The following PPP2R2B variants were observed in gnomAD, a reference collection of about 807,000 sequenced individuals.
The protein encoded by PPP2R2B is protein phosphatase 2 regulatory subunit Bbeta.
Under a neutral mutation model 46.0 loss-of-function variants are expected in PPP2R2B, and 5 were observed. That is an observed-to-expected ratio of 0.11 (90% CI 0.06 to 0.23). The LOEUF (loss-of-function observed/expected upper bound fraction) is 0.23. PPP2R2B is among the 10% of genes least tolerant of loss of function. The pLI is 1.00. For synonymous variants in PPP2R2B, 215 were observed against 206.7 expected (o/e 1.04, Z -0.34); for missense variants, 367 against 575.0 (o/e 0.64, Z 3.70).
chr5:146,590,031 C>T lies in PPP2R2B; in HGVS notation c.1248G>A (p.Leu416=). 1 of 1,614,156 alleles carries T rather than the reference C, an allele frequency of 6.2e-7. No individual in the cohort carries two copies. The highest frequency in any genetic ancestry group is 8.5e-7 in the Non-Finnish European group (1 of 1,180,028). ...VDSLDFSKKI[L]HTAWHPSENI... is the part of the protein sequence containing the mutation. ...TTTCTGAAGGATGCCAAGCTGTATG[C>T]AAGATCTTTTTGCTAAAGTCCAGAC... Residue 416 remains leucine, a synonymous_variant, in exon 10 of 10, where the codon TTG becomes TTA. Coordinates refer to ENST00000394411, the MANE Select transcript of PPP2R2B (RefSeq NM_181675.4).
chr5:146,707,336 C>T (rs930887424), intron 2 of PPP2R2B: 20 of 933,616 alleles, frequency 2.1e-5, no homozygotes, highest in Non-Finnish European at 3.5e-5. Flanking sequence ...TTGATCTGCT[C>T]CTTCTCCTGG....
chr5:146,658,001 C>T (rs529930934), intron 5 of PPP2R2B, among the ~76,000 whole-genome samples: 1 of 152,322 alleles, frequency 6.6e-6, no homozygotes, highest in South Asian at 2.1e-4. Flanking sequence ...CTTCAACAAA[C>T]ATTTATTGAG....
intron 7 of PPP2R2B, among the ~76,000 whole-genome samples, chr5:146,627,068 G>A (rs1012995856): frequency 9.2e-5 from 14 of 152,094 alleles, no homozygotes; most frequent in African/African-American, 3.4e-4. Flanking sequence ...CTTCAGACAT[G>A]GGGGTGAGGT....
intron 2 of PPP2R2B, among the ~76,000 whole-genome samples, chr5:146,803,129 C>T (rs1273420208): frequency 6.6e-6 from 1 of 152,176 alleles, no homozygotes; most frequent in African/African-American, 2.4e-5. Context: ...AGAGCGCATG[C>T]CTAATGCCAT....
At chr5:146,665,337 T>C (rs796765274) in intron 5 of PPP2R2B, among the ~76,000 whole-genome samples, 4 of 152,352 alleles carry the variant, frequency 2.6e-5, no homozygotes, top group African/African-American at 9.6e-5. Flanking sequence ...AGCTTCTACA[T>C]CAGCACTTGC....
intron 2 of PPP2R2B, among the ~76,000 whole-genome samples, chr5:146,718,301 C>T (rs1780608556): frequency 6.6e-6 from 1 of 151,744 alleles, no homozygotes; most frequent in Non-Finnish European, 1.5e-5. Flanking sequence ...GGTGGGAAGA[C>T]AGATTGAGCC....
chr5:146,736,358 A>T (rs1752538671), intron 2 of PPP2R2B, among the ~76,000 whole-genome samples: 1 of 152,180 alleles, frequency 6.6e-6, no homozygotes, highest in Non-Finnish European at 1.5e-5. Context: ...ACTGAGCGTT[A>T]TGCCCTGCCA....
intron 1 of PPP2R2B, among the ~76,000 whole-genome samples, chr5:147,019,880 C>T (rs532195252): frequency 1.3e-5 from 2 of 152,292 alleles, no homozygotes; most frequent in South Asian, 4.1e-4. Context: ...TATGGGAATA[C>T]ACCGCTCAGA....
intron 1 of PPP2R2B, among the ~76,000 whole-genome samples, chr5:146,964,582 G>A (rs1021851923): frequency 6.6e-6 from 1 of 152,022 alleles, no homozygotes; most frequent in East Asian, 1.9e-4. Context: ...CTGGAGTGCA[G>A]TGGCATGATC....
intron 6 of PPP2R2B, among the ~76,000 whole-genome samples, chr5:146,644,234 CAAAA>C (rs58634387): frequency 1.2e-3 from 72 of 60,662 alleles, no homozygotes; most frequent in Admixed American, 1.1e-3. Flanking sequence ...AGGAAAGTTT[CAAAA>C]AAAAAAAAAA....
chr5:146,768,383 G>A (rs1451812322), intron 2 of PPP2R2B, among the ~76,000 whole-genome samples: 3 of 152,108 alleles, frequency 2.0e-5, no homozygotes, highest in African/African-American at 7.2e-5. Context: ...TTGTAATTTT[G>A]TTGTAGCCAA....
chr5:146,700,676 T>G (rs1456564691), intron 3 of PPP2R2B, among the ~76,000 whole-genome samples: 2 of 152,208 alleles, frequency 1.3e-5, no homozygotes, highest in Non-Finnish European at 2.9e-5. Flanking sequence ...TTTTTCCTCC[T>G]GCATATTCTG....
In PPP2R2B at chr5:146,822,338, T is replaced by G. The variant is rs554521727; in HGVS notation, c.70+55664A>C. On this transcript the variant is annotated intron_variant, in intron 2 of 9. Coordinates refer to ENST00000394411, the MANE Select transcript of PPP2R2B (RefSeq NM_181675.4). ...GCTCTCCAAATAAAATCACCCATCT[T>G]TTCATGGCCTCCAAGCCTCCATATG... 6.9e-4 allele frequency among the ~76,000 whole-genome samples: 105 copies of G among 152,232 alleles called. 2 individuals are homozygous for G. The South Asian group carries it at 0.019, about 28-fold the overall frequency.
At chr5:146,675,331 A>C (rs938404734) in intron 5 of PPP2R2B, among the ~76,000 whole-genome samples, 1 of 152,158 alleles carries the variant, frequency 6.6e-6, no homozygotes, top group Non-Finnish European at 1.5e-5. Flanking sequence ...TAAGCTTTTG[A>C]ATCTTTATTG....
intron 1 of PPP2R2B, among the ~76,000 whole-genome samples, chr5:146,902,360 T>A (rs573977147): frequency 6.6e-6 from 1 of 152,258 alleles, no homozygotes; most frequent in South Asian, 2.1e-4. Context: ...AAAATGTCTC[T>A]CAAACTCTGC....
intron 2 of PPP2R2B, among the ~76,000 whole-genome samples, chr5:147,064,822 A>G (rs1244986180): frequency 6.6e-6 from 1 of 152,240 alleles, no homozygotes. Context: ...TAAATCATTT[A>G]AACTATAAGG....
intron 1 of PPP2R2B, among the ~76,000 whole-genome samples, chr5:147,018,128 G>T (rs1246154989): frequency 1.3e-5 from 2 of 151,702 alleles, no homozygotes; most frequent in African/African-American, 4.8e-5. Context: ...ATGCTAAGAG[G>T]CTGGAAGCTA....
intron 5 of PPP2R2B, among the ~76,000 whole-genome samples, chr5:146,661,616 G>T (rs1776673388): frequency 6.6e-6 from 1 of 152,100 alleles, no homozygotes; most frequent in Non-Finnish European, 1.5e-5. Context: ...CATCAAAAAT[G>T]GTTTGCATGG....
chr5:146,857,776 C>T lies in PPP2R2B; in HGVS notation c.70+20226G>A, dbSNP rs1259641094. Among the ~76,000 whole-genome samples, 3 of 152,044 alleles carry T rather than the reference C, an allele frequency of 2.0e-5. No individual in the cohort carries two copies. In the East Asian group the frequency reaches 5.8e-4, roughly 29 times the overall value. On this transcript the variant is annotated intron_variant, in intron 2 of 9. Transcript: ENST00000394411. ...GATCTCGGCTCATTGCAACCTCCGC[C>T]TCCCAGGTTCAAGCAATTCTCCTGC...
Sources: gnomAD v4.1 joint callset for allele counts (sites outside exome capture counted in the v4.1 genomes callset) on GRCh38, gnomAD v4.1.1 for gene constraint, MANE v1.5 for transcripts, NCBI Gene and HGNC (gene_info 2026-07-23, HGNC 2026-07-21) for gene names.